RGS7: variants seen among roughly 807,000 people sequenced by gnomAD.
RGS7 encodes the protein regulator of G-protein signaling 7.
RGS7 carries 27 observed loss-of-function variants against 81.1 expected under a neutral mutation model. The ratio of observed to expected loss-of-function variants is 0.33; its 90% confidence interval spans 0.25 to 0.46. RGS7 has a LOEUF of 0.46. Ranked by LOEUF, RGS7 falls within the 20% of genes least tolerant of loss-of-function variation. The pLI is 1.00. For missense variants in RGS7, 396 were observed against 607.4 expected (o/e 0.65, Z 3.66); for synonymous variants, 208 against 207.7 (o/e 1.00, Z -0.01).
chr1:241,346,316 C>T (rs560550066), intron 2 of RGS7, among the ~76,000 whole-genome samples: 3 of 152,078 alleles, frequency 2.0e-5, no homozygotes, highest in South Asian at 2.1e-4. Context: ...ATAAGCTCCG[C>T]GATGGTTCAG....
chr1:241,013,390 T>C (rs2059070552), intron 3 of RGS7, among the ~76,000 whole-genome samples: 1 of 152,146 alleles, frequency 6.6e-6, no homozygotes, highest in Non-Finnish European at 1.5e-5. Context: ...TCTCACACTT[T>C]GTGTATGGCT....
intron 2 of RGS7, among the ~76,000 whole-genome samples, chr1:241,310,473 CTGTGTGTCTGTG>C (rs2080463574): frequency 1.0e-5 from 1 of 98,178 alleles, no homozygotes; most frequent in Non-Finnish European, 2.3e-5. Context: ...GTGTGTGTGT[CTGTGTGTCTGTG>C]TGTGAGTGAG....
chr1:241,288,164 A>G (rs1048766440), intron 2 of RGS7, among the ~76,000 whole-genome samples: 2 of 152,260 alleles, frequency 1.3e-5, no homozygotes, highest in South Asian at 2.1e-4. Context: ...TTGGCAATGC[A>G]TAAGAAATGA....
chr1:240,813,904 T>A (rs373943111), intron 12 of RGS7, among the ~76,000 whole-genome samples, 176 bp from the exon 13 acceptor site: 5 of 152,326 alleles, frequency 3.3e-5, no homozygotes, highest in South Asian at 4.1e-4. Flanking sequence ...TTATTGTGCT[T>A]CTTGGCAGAC....
intron 2 of RGS7, among the ~76,000 whole-genome samples, chr1:241,135,419 T>G (rs1469605608): frequency 2.0e-5 from 3 of 152,056 alleles, no homozygotes; most frequent in African/African-American, 4.8e-5. Context: ...AGAGCGAGAC[T>G]CCGTCTGAAC....
chr1:241,340,805 T>A (rs2082497254), intron 2 of RGS7, among the ~76,000 whole-genome samples: 2 of 147,846 alleles, frequency 1.4e-5, no homozygotes, highest in Admixed American at 1.4e-4. Flanking sequence ...GAGGCTGAAT[T>A]TGGAGGAAAA....
intron 2 of RGS7, among the ~76,000 whole-genome samples, chr1:241,182,418 C>T (rs2071699380): frequency 6.6e-6 from 1 of 152,170 alleles, no homozygotes; most frequent in Admixed American, 6.5e-5. Context: ...GAAGTCATGG[C>T]TTACAAAGCA....
At chr1:240,794,019 T>A (rs1418439624) in intron 18 of RGS7, among the ~76,000 whole-genome samples, 1 of 152,072 alleles carries the variant, frequency 6.6e-6, no homozygotes, top group Non-Finnish European at 1.5e-5. Flanking sequence ...AGGCTTTCTT[T>A]AAGGTAAATT....
At chr1:241,127,159 G>A (rs115862785) in intron 2 of RGS7, among the ~76,000 whole-genome samples, 4,559 of 152,216 alleles carry the variant, frequency 0.03, 95 homozygotes, top group Middle Eastern at 0.048. Flanking sequence ...TATCAGGAAA[G>A]CCTTACCTGA....
chr1:241,354,360 T>C (rs1325051277), intron 2 of RGS7, among the ~76,000 whole-genome samples: 2 of 152,226 alleles, frequency 1.3e-5, no homozygotes, highest in African/African-American at 4.8e-5. Flanking sequence ...ATTTATGCAG[T>C]TGGAATGCTT....
intron 2 of RGS7, among the ~76,000 whole-genome samples, chr1:241,204,562 C>A (rs1242724708): frequency 1.3e-5 from 2 of 151,926 alleles, no homozygotes; most frequent in African/African-American, 4.8e-5. Context: ...TGATATCTGC[C>A]AATTTATAAT....
At chr1:241,172,523 A>G (rs1206200955) in intron 2 of RGS7, among the ~76,000 whole-genome samples, 1 of 152,158 alleles carries the variant, frequency 6.6e-6, no homozygotes, top group African/African-American at 2.4e-5. Flanking sequence ...GACTAAACCA[A>G]GATACCATTC....
intron 2 of RGS7, among the ~76,000 whole-genome samples, chr1:241,188,253 A>C (rs1000072107): frequency 2.0e-5 from 3 of 151,684 alleles, no homozygotes; most frequent in Non-Finnish European, 2.9e-5. Context: ...AGAGTTTTAT[A>C]TAACTTCTAT....
rs1172528289 is a variant in RGS7, at chr1:240,801,436, C to T, written c.1413+19G>A. 1 of 1,540,674 alleles carries T rather than the reference C, an allele frequency of 6.5e-7. No homozygotes were observed. On this transcript the variant is annotated intron_variant, in intron 17 of 18. Coordinates refer to ENST00000440928, the MANE Select transcript of RGS7 (RefSeq NM_001364886.1). ...CATTGGACTTAATGATTCATAATTCCTCAAAAAATTAAACTTACCACATTC... is the reference window on the plus strand; with the variant it reads ...CATTGGACTTAATGATTCATAATTCTTCAAAAAATTAAACTTACCACATTC...
In RGS7 at chr1:240,976,610, C is replaced by T. The variant is rs185399248; in HGVS notation, c.226+6469G>A. Among the ~76,000 whole-genome samples, 10 of 152,292 alleles carry T rather than the reference C, an allele frequency of 6.6e-5. No individual in the cohort carries two copies. In the East Asian group the frequency reaches 1.9e-3, roughly 29 times the overall value. On this transcript the variant is annotated intron_variant, in intron 4 of 18. Coordinates refer to ENST00000440928, the MANE Select transcript of RGS7 (RefSeq NM_001364886.1). Reference sequence around the variant, plus strand: ...GATTTTCTCCAAGGAAGAGGGAATTCTGCCACCAGACCTCCTTAAACATGA... The same window carrying T: ...GATTTTCTCCAAGGAAGAGGGAATTTTGCCACCAGACCTCCTTAAACATGA...
intron 3 of RGS7, among the ~76,000 whole-genome samples, chr1:241,029,262 C>T (rs1282336208): frequency 6.6e-6 from 1 of 152,116 alleles, no homozygotes; most frequent in Admixed American, 6.5e-5. Flanking sequence ...ACATTACACC[C>T]ACTTTCTTTT....
At chr1:241,105,832 C>T (rs910127394) in intron 2 of RGS7, among the ~76,000 whole-genome samples, 9 of 152,188 alleles carry the variant, frequency 5.9e-5, no homozygotes, top group Admixed American at 4.6e-4. Flanking sequence ...AGTTTTCCAA[C>T]TCTGCCTTAC....
At chr1:241,255,374 T>G (rs1429966914) in intron 2 of RGS7, among the ~76,000 whole-genome samples, 1 of 152,112 alleles carries the variant, frequency 6.6e-6, no homozygotes, top group Non-Finnish European at 1.5e-5. Flanking sequence ...CATTGACAGG[T>G]GTAGTTAGTG....
At chr1:240,798,969 C>T (rs566034123) in intron 18 of RGS7, among the ~76,000 whole-genome samples, 40 of 152,218 alleles carry the variant, frequency 2.6e-4, no homozygotes, top group South Asian at 8.3e-4. Flanking sequence ...AATAAAATCA[C>T]TCATTCTTTA....
Sources: gnomAD v4.1 joint callset for allele counts (sites outside exome capture counted in the v4.1 genomes callset) on GRCh38, gnomAD v4.1.1 for gene constraint, MANE v1.5 for transcripts, NCBI Gene and HGNC (gene_info 2026-07-23, HGNC 2026-07-21) for gene names.